Variants in DDC observed in about 807,000 individuals in gnomAD.
The protein encoded by DDC is aromatic-L-amino-acid decarboxylase.
In DDC, 43 loss-of-function variants were observed where a neutral mutation model predicts 60.0. The ratio of observed to expected loss-of-function variants is 0.72; its 90% CI spans 0.56 to 0.92. The LOEUF is 0.92. Ranked by LOEUF, DDC falls within the 40% of genes least tolerant of loss-of-function variation. The pLI is 0.00. For missense variants in DDC, 573 were observed against 620.2 expected (o/e 0.92, Z 0.81); for synonymous variants, 232 against 234.6 (o/e 0.99, Z 0.10).
Position 50,539,902 on chromosome 7 carries a change from T to A in DDC, c.315+13A>T, listed in dbSNP as rs983582853. On this transcript the variant is annotated intron_variant, in intron 3 of 14. Transcript: ENST00000444124. ...AGCCAGGACCCCTTCCCGAGGTGCA[T>A]CCGGACCCTCACCCAGGAGAAGCCG... 6.2e-7 allele frequency: 1 copy of A among 1,607,718 alleles called. No homozygotes were observed. Among genetic ancestry groups the A allele is most frequent in the African/African-American group, 1.3e-5 (1 of 74,702 alleles).
At chr7:50,498,061 G>A (rs901570196) in intron 8 of DDC, among the ~76,000 whole-genome samples, 3 of 152,168 alleles carry the variant, frequency 2.0e-5, no homozygotes, top group Non-Finnish European at 4.4e-5. Flanking sequence ...AGCACCTAAT[G>A]CAATTTCAGT....
intron 14 of DDC, among the ~76,000 whole-genome samples, chr7:50,462,147 A>G (rs1165868995): frequency 1.3e-5 from 2 of 151,594 alleles, no homozygotes; most frequent in Non-Finnish European, 2.9e-5. Context: ...AGCCATTGCA[A>G]AAAGGATAGG....
At chr7:50,496,272 A>G (rs868430225) in intron 8 of DDC, among the ~76,000 whole-genome samples, 1 of 152,110 alleles carries the variant, frequency 6.6e-6, no homozygotes, top group South Asian at 2.1e-4. Flanking sequence ...TTGTTTGTAG[A>G]GACAGTGTGT....
chr7:50,538,072 G>T (rs1433619720), intron 3 of DDC, 93 bp from the exon 4 acceptor site: 2 of 1,484,868 alleles, frequency 1.3e-6, no homozygotes, highest in Non-Finnish European at 1.9e-6. Context: ...TTCCACTAAA[G>T]CCCAGATTAA....
At chr7:50,478,572 C>T (rs932711890) in intron 10 of DDC, among the ~76,000 whole-genome samples, 6 of 152,172 alleles carry the variant, frequency 3.9e-5, no homozygotes, top group South Asian at 2.1e-4. Context: ...TCTGCTTCTC[C>T]GTGAATCTGC....
intron 6 of DDC, among the ~76,000 whole-genome samples, chr7:50,522,205 G>GA (rs59489350): frequency 0.73 from 107,615 of 148,090 alleles, 39,097 homozygotes; most frequent in East Asian, 0.8. Context: ...AAAGTAAAAA[G>GA]AAAAAAAAAA....
chr7:50,511,765 C>T (rs922507516), intron 6 of DDC, among the ~76,000 whole-genome samples: 28 of 152,044 alleles, frequency 1.8e-4, no homozygotes, highest in African/African-American at 6.7e-4. Context: ...AATTGATTCA[C>T]ATACTAAGAG....
At chr7:50,462,244 A>AG (rs1458568103) in intron 14 of DDC, among the ~76,000 whole-genome samples, 2 of 150,640 alleles carry the variant, frequency 1.3e-5, no homozygotes, top group Admixed American at 1.3e-4. Context: ...AAAAAAAAAA[A>AG]AAAAGAAAAT....
chr7:50,535,094 A>C (rs1311999306), intron 4 of DDC, among the ~76,000 whole-genome samples: 1 of 152,110 alleles, frequency 6.6e-6, no homozygotes, highest in Non-Finnish European at 1.5e-5. Flanking sequence ...TGCTACGTAG[A>C]ATGGTATGGT....
chr7:50,544,172 G>T (rs2044729481), intron 1 of DDC, 59 bp from the exon 2 acceptor site: 11 of 1,339,358 alleles, frequency 8.2e-6, no homozygotes, highest in Non-Finnish European at 1.2e-5. Flanking sequence ...GGAAGGCGGG[G>T]ATACCAAGCA....
At chr7:50,468,500 A>G (rs2042451755) in intron 12 of DDC, among the ~76,000 whole-genome samples, 3 of 152,118 alleles carry the variant, frequency 2.0e-5, no homozygotes, top group Admixed American at 2.0e-4. Flanking sequence ...ATTCATATAC[A>G]TACTCCTTTC....
intron 9 of DDC, among the ~76,000 whole-genome samples, chr7:50,486,252 T>G (rs1210555286): frequency 6.6e-6 from 1 of 152,224 alleles, no homozygotes; most frequent in Non-Finnish European, 1.5e-5. Flanking sequence ...TATTTGTATT[T>G]GTAAAACGTA....
At chr7:50,514,426 A>G (rs547693629) in intron 6 of DDC, among the ~76,000 whole-genome samples, 1 of 152,292 alleles carries the variant, frequency 6.6e-6, no homozygotes, top group African/African-American at 2.4e-5. Flanking sequence ...TGGCTTTTCA[A>G]CACCCCCCAA....
In DDC at chr7:50,499,182, C is replaced by A. The variant is rs1180439744; in HGVS notation, c.842G>T (p.Cys281Phe). ...ATTCAGAAGGTGCCGGAACTCAGGG[C>A]AGATGAATGCACTGCCTGCGTAGGC... ...DAAYAGSAFICPEFRHLLNGV... is the reference protein window; with the variant it reads ...DAAYAGSAFIFPEFRHLLNGV... The change falls in exon 8 of 15, where the codon TGC becomes TTC. Residue 281 changes from cysteine to phenylalanine, a missense_variant. Physicochemically the swap from Cys to Phe is radical, Grantham distance 205. Coordinates refer to ENST00000444124, the MANE Select transcript of DDC (RefSeq NM_001082971.2). 1 of 1,613,998 alleles carries A rather than the reference C, an allele frequency of 6.2e-7. No homozygotes were observed. Among genetic ancestry groups the A allele is most frequent in the African/African-American group, 1.3e-5 (1 of 75,032 alleles).
In DDC at chr7:50,475,220, G is replaced by A. The variant is rs114932949; in HGVS notation, c.1041+1404C>T. On this transcript the variant is annotated intron_variant, in intron 11 of 14. Transcript: ENST00000444124. ...AGACAGAAACACAGGCCACAGAGGC[G>A]CGAGGATGAAAGGTCAGGGTGAGCT... Among the ~76,000 whole-genome samples, 304 of 152,304 alleles carry A rather than the reference G, an allele frequency of 2.0e-3. 1 individual carries two copies. The highest frequency in any genetic ancestry group is 7.0e-3 in the African/African-American group (291 of 41,564).
intron 1 of DDC, among the ~76,000 whole-genome samples, chr7:50,553,363 C>T (rs567898948): frequency 7.4e-4 from 112 of 152,238 alleles, no homozygotes; most frequent in Middle Eastern, 3.4e-3. Flanking sequence ...AGCTTTTGGG[C>T]CTGAGGCTCT....
chr7:50,506,310 T>C (rs1161247522), intron 6 of DDC, among the ~76,000 whole-genome samples: 5 of 152,136 alleles, frequency 3.3e-5, no homozygotes, highest in Admixed American at 6.5e-5. Flanking sequence ...GAATTTGCTT[T>C]TTTTTTACAA....
chr7:50,525,031 A>G (rs1003536681), intron 6 of DDC, among the ~76,000 whole-genome samples: 30 of 152,250 alleles, frequency 2.0e-4, no homozygotes, highest in African/African-American at 7.2e-4. Flanking sequence ...GATACATGCA[A>G]CAACTTGGAT....
chr7:50,484,736 T>C (rs952489674), intron 9 of DDC, among the ~76,000 whole-genome samples: 1 of 152,150 alleles, frequency 6.6e-6, no homozygotes, highest in Admixed American at 6.5e-5. Flanking sequence ...AGACTTTTGG[T>C]GAGGAAAGCC....
Sources: allele counts gnomAD v4.1 joint callset (sites outside exome capture counted in the v4.1 genomes callset), GRCh38; gene constraint gnomAD v4.1.1; transcripts MANE v1.5; gene names NCBI Gene and HGNC (gene_info 2026-07-23, HGNC 2026-07-21).